PDE3A: variants seen among roughly 807,000 people sequenced by gnomAD.
The protein encoded by PDE3A is phosphodiesterase 3A.
A neutral mutation model predicts 98.3 loss-of-function variants in PDE3A; 43 were observed. That is an observed-to-expected ratio of 0.44 (90% CI 0.34 to 0.56). The LOEUF (loss-of-function observed/expected upper bound fraction) is 0.56, where lower values mean the gene tolerates loss of function less well. Among genes scored for constraint, PDE3A ranks in the 20% least tolerant of loss-of-function variants. PDE3A has a pLI of 0.01. For synonymous variants in PDE3A, 663 were observed against 567.9 expected (o/e 1.17, Z -2.38); for missense variants, 1,427 against 1,440.7 (o/e 0.99, Z 0.15).
At chr12:20,446,985 G>A (rs923417127) in intron 1 of PDE3A, among the ~76,000 whole-genome samples, 1 of 152,178 alleles carries the variant, frequency 6.6e-6, no homozygotes, top group Admixed American at 6.5e-5. Flanking sequence ...ATGATAAGAG[G>A]TCCTGAAGGC....
At chr12:20,436,356 A>G (rs1008645024) in intron 1 of PDE3A, among the ~76,000 whole-genome samples, 3 of 152,118 alleles carry the variant, frequency 2.0e-5, no homozygotes, top group Admixed American at 1.3e-4. Context: ...AAAAAAAACT[A>G]TGCTGCTTTC....
chr12:20,419,147 C>CT (rs1944471033), intron 1 of PDE3A, among the ~76,000 whole-genome samples: 1 of 152,142 alleles, frequency 6.6e-6, no homozygotes, highest in African/African-American at 2.4e-5. Flanking sequence ...GATGAAATTT[C>CT]TTTTAAAAAT....
intron 1 of PDE3A, among the ~76,000 whole-genome samples, chr12:20,377,523 G>A (rs1205381033): frequency 4.6e-5 from 7 of 151,752 alleles, no homozygotes; most frequent in Admixed American, 4.6e-4. Flanking sequence ...ATATTGGACA[G>A]TGCAGCTCTA....
At chr12:20,570,519 G>T (rs1488802789) in intron 2 of PDE3A, among the ~76,000 whole-genome samples, 1 of 147,970 alleles carries the variant, frequency 6.8e-6, no homozygotes, top group Non-Finnish European at 1.5e-5. Flanking sequence ...AGAGCAGTCA[G>T]ATTTTGCTTA....
At chr12:20,424,725 T>C (rs1186049122) in intron 1 of PDE3A, among the ~76,000 whole-genome samples, 1 of 152,196 alleles carries the variant, frequency 6.6e-6, no homozygotes, top group Non-Finnish European at 1.5e-5. Context: ...TCACTCACAC[T>C]GTGGAGAAAA....
rs202078138 is a variant in PDE3A, at chr12:20,554,364, A to AT, written c.961-2296_961-2295insT. Among the ~76,000 whole-genome samples the AT allele has an allele frequency of 1.7e-3, 9 of 5,374 alleles. No individual in the cohort carries two copies. The East Asian group carries it at 0.095, about 57-fold the overall frequency. 3.5% of individuals were successfully genotyped at this position (5,374 alleles called of 152,430 possible). A position where few individuals can be genotyped will look rare whatever the true frequency, so the allele number is the denominator to read the frequency against. On this transcript the variant is annotated intron_variant, in intron 1 of 15. Transcript: ENST00000359062. Reference sequence around the variant, plus strand: ...GAATAAATGTTTTTCACAGATAAAAAAAAAAAAATAAAAAAAATAAAAAAA... The same window carrying AT: ...GAATAAATGTTTTTCACAGATAAAAATAAAAAAAATAAAAAAAATAAAAAAA...
rs148718870 is a variant in PDE3A, at chr12:20,490,246, A to G, written c.961-66414A>G. Among the ~76,000 whole-genome samples, 147 of 152,294 alleles carry G rather than the reference A, an allele frequency of 9.7e-4. 3 individuals carry two copies. In the East Asian group the frequency reaches 0.012, roughly 13 times the overall value. On this transcript the variant is annotated intron_variant, in intron 1 of 15. Coordinates refer to ENST00000359062, the MANE Select transcript of PDE3A (RefSeq NM_000921.5). ...GAGCCATGTAGTGTCAGGAAAACAT[A>G]TCTGTTATTAGTTCTTGGTTGCCAT...
intron 1 of PDE3A, among the ~76,000 whole-genome samples, chr12:20,529,216 C>T (rs1946579062): frequency 6.6e-6 from 1 of 152,070 alleles, no homozygotes. Flanking sequence ...TAGCACAGTC[C>T]TCACCAAGTT....
Position 20,565,332 on chromosome 12 carries a change from G to A in PDE3A, c.1011+8622G>A, listed in dbSNP as rs964442226. 7.9e-5 allele frequency among the ~76,000 whole-genome samples: 12 copies of A among 152,044 alleles called. No individual in the cohort carries two copies. The East Asian group carries it at 2.1e-3, about 27-fold the overall frequency. On this transcript the variant is annotated intron_variant, in intron 2 of 15. Coordinates refer to ENST00000359062, the MANE Select transcript of PDE3A (RefSeq NM_000921.5). ...CAAAGGGAAATAATTTTTATCTCAC[G>A]CTGGGTGATTTTATACCATCAGCAG...
rs1370438505 is a variant in PDE3A at position 20,687,499 on chromosome 12, T to C, written c.*7228T>C. Among the ~76,000 whole-genome samples the C allele has an allele frequency of 2.0e-5, 2 of 100,408 alleles. No individual in the cohort carries two copies. Among genetic ancestry groups the C allele is most frequent in the East Asian group, 9.1e-4 (2 of 2,196 alleles). The allele number at this position is 100,408 out of a possible 152,430, so 65.9% of individuals were successfully genotyped here. On this transcript the variant is annotated 3_prime_UTR_variant, in exon 16 of 16. Coordinates refer to ENST00000359062, the MANE Select transcript of PDE3A (RefSeq NM_000921.5). ...TTTTAGCTTATTATGTTTGCTTAAC[T>C]GGTGTTTTTTTCACTTATGACTGTC... is the stretch of plus-strand genomic sequence containing the variant.
intron 1 of PDE3A, among the ~76,000 whole-genome samples, chr12:20,467,319 T>G (rs1945356136): frequency 1.3e-5 from 2 of 151,242 alleles, no homozygotes; most frequent in Non-Finnish European, 2.9e-5. Context: ...TTTTTTTGTT[T>G]GTATATCTAG....
At chr12:20,634,490 T>C (rs1451959469) in intron 7 of PDE3A, among the ~76,000 whole-genome samples, 4 of 152,190 alleles carry the variant, frequency 2.6e-5, no homozygotes, top group African/African-American at 9.6e-5. Context: ...GCCATCACTC[T>C]GTGCTACACA....
chr12:20,438,764 C>CT (rs57996665), intron 1 of PDE3A, among the ~76,000 whole-genome samples: 8,295 of 145,954 alleles, frequency 0.057, 310 homozygotes, highest in Non-Finnish European at 0.08. Context: ...AAGATGTTGT[C>CT]TTTTTTTTTT....
chr12:20,513,657 A>G (rs973118427), intron 1 of PDE3A, among the ~76,000 whole-genome samples: 5 of 152,138 alleles, frequency 3.3e-5, no homozygotes, highest in African/African-American at 1.2e-4. Flanking sequence ...AGATTTTTTT[A>G]TGACCTTTTC....
intron 6 of PDE3A, among the ~76,000 whole-genome samples, chr12:20,630,915 A>C (rs1944363718): frequency 6.6e-6 from 1 of 152,182 alleles, no homozygotes; most frequent in African/African-American, 2.4e-5. Context: ...GTTGATGAGG[A>C]TAACTATTTG....
At chr12:20,432,070 C>A (rs927570416) in intron 1 of PDE3A, among the ~76,000 whole-genome samples, 2 of 152,054 alleles carry the variant, frequency 1.3e-5, no homozygotes, top group African/African-American at 4.8e-5. Context: ...AATATTTGAA[C>A]AAGAAAAGTT....
Position 20,552,517 on chromosome 12 carries a change from G to A in PDE3A, c.961-4143G>A. 6.2e-7 allele frequency: 1 copy of A among 1,613,206 alleles called. No homozygotes were observed. The highest frequency in any genetic ancestry group is 8.5e-7 in the Non-Finnish European group (1 of 1,179,584). ...GAAGGAGAACAGCAAGAGGGAGGAG[G>A]AGGAGCAGCAGGAGGGGGGCTTCGC... On this transcript the variant is annotated intron_variant, in intron 1 of 15. Transcript: ENST00000359062. The surrounding 1 kb of genome is among the most constrained non-coding windows in gnomAD (Gnocchi z 5.1).
Position 20,646,845 on chromosome 12 carries a change from T to C in PDE3A, c.2460T>C (p.Asn820=), listed in dbSNP as rs1247225444. The change falls in exon 12 of 16, where the codon AAT becomes AAC. Residue 820 remains asparagine (N), a synonymous_variant. Transcript: ENST00000359062. ...TDDKYGCLSG[N]IPALELMALY... is the part of the protein sequence containing the mutation. ...ATAAATACGGATGTCTGTCTGGGAA[T>C]ATCCCTGCCTTGGAGTTGATGGCGC... is the stretch of plus-strand genomic sequence containing the variant. 1.2e-5 allele frequency: 20 copies of C among 1,612,954 alleles called. No individual in the cohort carries two copies. The highest frequency in any genetic ancestry group is 1.5e-5 in the Non-Finnish European group (18 of 1,179,048).
At chr12:20,596,777 G>T (rs1943477434) in intron 2 of PDE3A, among the ~76,000 whole-genome samples, 1 of 152,072 alleles carries the variant, frequency 6.6e-6, no homozygotes, top group African/African-American at 2.4e-5. Context: ...TGAAAGAAGG[G>T]AGTCAACCAT....
Sources: allele counts gnomAD v4.1 joint callset (sites outside exome capture counted in the v4.1 genomes callset), GRCh38; gene constraint gnomAD v4.1.1; non-coding constraint Gnocchi (gnomAD v3.1); transcripts MANE v1.5; gene names NCBI Gene and HGNC (gene_info 2026-07-23, HGNC 2026-07-21).